SNTG1: variants seen among roughly 807,000 people sequenced by gnomAD.
SNTG1 encodes the protein syntrophin gamma 1.
SNTG1 carries 39 observed loss-of-function variants against 74.7 expected under a neutral mutation model. That is an observed-to-expected ratio of 0.52 (90% confidence interval 0.40 to 0.68). SNTG1 has a LOEUF of 0.68. Among genes scored for constraint, SNTG1 ranks in the 30% least tolerant of loss-of-function variants. The pLI is 0.00. For synonymous variants in SNTG1, 254 were observed against 217.1 expected, an observed-to-expected ratio of 1.17 and a Z score of -1.49; for missense variants, 685 against 609.5, an observed-to-expected ratio of 1.12 and a Z score of -1.30.
intron 2 of SNTG1, among the ~76,000 whole-genome samples, chr8:50,259,359 C>A (rs750689001): frequency 5.9e-5 from 9 of 151,720 alleles, no homozygotes; most frequent in Admixed American, 1.3e-4. Flanking sequence ...ATTAGCCAGG[C>A]ATGTTGGTGT....
chr8:50,560,386 A>G (rs2094480273), intron 12 of SNTG1, among the ~76,000 whole-genome samples: 1 of 152,258 alleles, frequency 6.6e-6, no homozygotes, highest in Non-Finnish European at 1.5e-5. Flanking sequence ...CCAAAGGAAT[A>G]TAAATCATTC....
chr8:50,368,992 T>C (rs1239943735), intron 2 of SNTG1, among the ~76,000 whole-genome samples: 2 of 152,208 alleles, frequency 1.3e-5, no homozygotes, highest in Non-Finnish European at 2.9e-5. Context: ...TCAAGTCTCA[T>C]TCATATCTTA....
rs143285543 is a variant in SNTG1, at chr8:50,599,785, C to T, written c.849+8868C>T. On this transcript the variant is annotated intron_variant, in intron 13 of 18. Coordinates refer to ENST00000642720, the MANE Select transcript of SNTG1 (RefSeq NM_018967.5). ...AATTTGACTTCTTCTTTTCCAATTT[C>T]GATGCTGTTTATTTCTTTCTCTTCT... Among the ~76,000 whole-genome samples the T allele has an allele frequency of 1.5e-3, 235 of 152,106 alleles. 1 individual carries two copies. The highest frequency in any genetic ancestry group is 5.4e-3 in the African/African-American group (226 of 41,534).
chr8:50,579,159 G>A (rs2094594066), intron 12 of SNTG1, among the ~76,000 whole-genome samples: 1 of 152,174 alleles, frequency 6.6e-6, no homozygotes, highest in African/African-American at 2.4e-5. Context: ...GGCTGAGATG[G>A]TCTCAGATGG....
intron 13 of SNTG1, among the ~76,000 whole-genome samples, chr8:50,653,289 G>T (rs1446793283): frequency 6.6e-6 from 1 of 151,918 alleles, no homozygotes; most frequent in East Asian, 1.9e-4. Context: ...ACAAAAATTA[G>T]CCAGAAGTGG....
At chr8:50,575,386 G>A (rs193296720) in intron 12 of SNTG1, among the ~76,000 whole-genome samples, 1 of 152,232 alleles carries the variant, frequency 6.6e-6, no homozygotes, top group Non-Finnish European at 1.5e-5. Flanking sequence ...TCCTGATGAA[G>A]GTAATAACAG....
intron 12 of SNTG1, among the ~76,000 whole-genome samples, chr8:50,561,581 C>T (rs2094488707): frequency 6.6e-6 from 1 of 152,016 alleles, no homozygotes; most frequent in Admixed American, 6.6e-5. Flanking sequence ...CAAATGCAAA[C>T]ATCATGTCAC....
intron 15 of SNTG1, among the ~76,000 whole-genome samples, chr8:50,670,796 T>C (rs867274607): frequency 1.2e-4 from 18 of 150,164 alleles, no homozygotes; most frequent in Middle Eastern, 3.4e-3. Context: ...CAAACTATAC[T>C]ACAAGGCTAC....
intron 2 of SNTG1, among the ~76,000 whole-genome samples, chr8:50,332,377 C>T (rs1426124433): frequency 1.3e-5 from 2 of 151,888 alleles, no homozygotes; most frequent in Non-Finnish European, 2.9e-5. Flanking sequence ...CCCTCGTGTA[C>T]ATCCATGGCC....
chr8:50,185,798 G>A (rs2083361011), intron 2 of SNTG1, among the ~76,000 whole-genome samples: 1 of 151,462 alleles, frequency 6.6e-6, no homozygotes, highest in African/African-American at 2.4e-5. Context: ...TACAATGGAA[G>A]ATAATATAAC....
At chr8:50,207,298 G>C (rs1266254908) in intron 2 of SNTG1, among the ~76,000 whole-genome samples, 1 of 151,930 alleles carries the variant, frequency 6.6e-6, no homozygotes, top group East Asian at 1.9e-4. Flanking sequence ...GTCTTGGGAG[G>C]GTGTATATGT....
At chr8:50,100,715 A>G (rs1006944381) in intron 1 of SNTG1, among the ~76,000 whole-genome samples, 2 of 152,124 alleles carry the variant, frequency 1.3e-5, no homozygotes, top group African/African-American at 4.8e-5. Flanking sequence ...AGTACTTGGT[A>G]TGCATTTTCT....
chr8:50,756,410 C>T (rs2095580646), intron 18 of SNTG1, among the ~76,000 whole-genome samples: 1 of 151,700 alleles, frequency 6.6e-6, no homozygotes. Context: ...AGCTGTGTTC[C>T]ATTTGGAATT....
intron 5 of SNTG1, among the ~76,000 whole-genome samples, chr8:50,443,924 A>C (rs1039925888): frequency 2.0e-5 from 3 of 152,114 alleles, no homozygotes; most frequent in Non-Finnish European, 4.4e-5. Flanking sequence ...ATTTGAGGTC[A>C]GGAGCTTGAG....
intron 9 of SNTG1, among the ~76,000 whole-genome samples, chr8:50,519,599 G>A (rs1053938579): frequency 4.6e-5 from 7 of 152,044 alleles, no homozygotes; most frequent in South Asian, 2.1e-4. Flanking sequence ...AAGCTACTTC[G>A]GCAGAGTTTC....
At chr8:50,236,125 TGGA>T (rs1305893465) in intron 2 of SNTG1, among the ~76,000 whole-genome samples, 1 of 152,168 alleles carries the variant, frequency 6.6e-6, no homozygotes, top group Non-Finnish European at 1.5e-5. Context: ...CAATTTTATC[TGGA>T]TGGTTTTTCC....
At chr8:50,020,485 T>G (rs971386457) in intron 1 of SNTG1, among the ~76,000 whole-genome samples, 2 of 152,182 alleles carry the variant, frequency 1.3e-5, no homozygotes, top group African/African-American at 2.4e-5. Flanking sequence ...TGCAATCATT[T>G]AGGAGATAAT....
intron 1 of SNTG1, among the ~76,000 whole-genome samples, chr8:50,048,243 G>C (rs1231996404): frequency 6.6e-6 from 1 of 151,832 alleles, no homozygotes; most frequent in African/African-American, 2.4e-5. Context: ...AAAAATATTG[G>C]GATTGAGGGA....
intron 1 of SNTG1, among the ~76,000 whole-genome samples, chr8:50,156,506 T>C (rs559600957): frequency 5.3e-5 from 8 of 152,178 alleles, no homozygotes; most frequent in African/African-American, 1.4e-4. Context: ...CACTGATCAA[T>C]ATATGGCTGA....
Sources: allele counts gnomAD v4.1 joint callset (sites outside exome capture counted in the v4.1 genomes callset), GRCh38; gene constraint gnomAD v4.1.1; transcripts MANE v1.5; gene names NCBI Gene and HGNC (gene_info 2026-07-23, HGNC 2026-07-21).